Variants in GALNTL6 observed in about 807,000 individuals in gnomAD.
GALNTL6 encodes polypeptide N-acetylgalactosaminyltransferase like 6, also known as polypeptide N-acetylgalactosaminyltransferase-like 6.
Under a neutral mutation model 73.7 loss-of-function variants are expected in GALNTL6, and 46 were observed. The observed-to-expected ratio is 0.62, with a 90% confidence interval of 0.49 to 0.80. GALNTL6 has a LOEUF of 0.80. GALNTL6 is among the 30% of genes least tolerant of loss of function. GALNTL6 has a pLI of 0.00. For synonymous variants in GALNTL6, 259 were observed against 263.7 expected, an observed-to-expected ratio of 0.98 and a Z score of 0.17; for missense variants, 604 against 755.0, an observed-to-expected ratio of 0.80 and a Z score of 2.34.
chr4:171,884,589 C>T (rs1578939921), intron 2 of GALNTL6, among the ~76,000 whole-genome samples: 1 of 151,604 alleles, frequency 6.6e-6, no homozygotes, highest in African/African-American at 2.4e-5. Context: ...TGAAGATATA[C>T]ATATTCATTT....
intron 3 of GALNTL6, among the ~76,000 whole-genome samples, chr4:172,278,140 A>T (rs988296701): frequency 2.0e-5 from 3 of 152,052 alleles, no homozygotes; most frequent in Non-Finnish European, 4.4e-5. Flanking sequence ...TTTATCTCTT[A>T]TGTCCTTTCT....
chr4:172,145,864 T>C (rs1175987217), intron 2 of GALNTL6, among the ~76,000 whole-genome samples: 2 of 152,146 alleles, frequency 1.3e-5, no homozygotes, highest in African/African-American at 2.4e-5. Context: ...TTATGTGACA[T>C]AGAAGTCCCC....
chr4:173,006,482 C>T (rs758534285), intron 10 of GALNTL6, among the ~76,000 whole-genome samples: 75 of 152,124 alleles, frequency 4.9e-4, no homozygotes, highest in Admixed American at 1.0e-3. Context: ...TACCTTTGAC[C>T]TTCTGGGTGT....
In GALNTL6 at chr4:172,087,335, C is replaced by G. The variant is rs571497395; in HGVS notation, c.139-142321C>G. 4.0e-4 allele frequency among the ~76,000 whole-genome samples: 61 copies of G among 151,502 alleles called. 1 individual carries two copies. In the East Asian group the frequency reaches 0.011, roughly 28 times the overall value. Reference sequence around the variant, plus strand: ...GGGTGGGCGCCTGTAGTCCCAGCTACTCGGGAGGCTGAGGCAGGAGAATGG... The same window carrying G: ...GGGTGGGCGCCTGTAGTCCCAGCTAGTCGGGAGGCTGAGGCAGGAGAATGG... On this transcript the variant is annotated intron_variant, in intron 2 of 12. Coordinates refer to ENST00000506823, the MANE Select transcript of GALNTL6 (RefSeq NM_001034845.3).
At chr4:172,206,805 G>GTTTGTTTTTTTTTTT (rs1554003003) in intron 2 of GALNTL6, among the ~76,000 whole-genome samples, 373 of 26,160 alleles carry the variant, frequency 0.014, 20 homozygotes, top group Non-Finnish European at 0.023. Context: ...TTGTTTTTCT[G>GTTTGTTTTTTTTTTT]TTTTTTTTGT....
intron 7 of GALNTL6, among the ~76,000 whole-genome samples, chr4:172,850,649 C>T (rs143708215): frequency 1.2e-3 from 180 of 152,214 alleles, no homozygotes; most frequent in African/African-American, 4.2e-3. Flanking sequence ...AGGTGAAAAG[C>T]TTAGTCCCAC....
chr4:172,498,593 G>A (rs1734151861), intron 5 of GALNTL6, among the ~76,000 whole-genome samples: 2 of 152,126 alleles, frequency 1.3e-5, no homozygotes, highest in Admixed American at 6.6e-5. Context: ...GAGTCTCAGA[G>A]TAAATACGAG....
At chr4:173,033,764 T>C (rs1488123823) in intron 12 of GALNTL6, among the ~76,000 whole-genome samples, 3 of 152,188 alleles carry the variant, frequency 2.0e-5, no homozygotes, top group Non-Finnish European at 2.9e-5. Flanking sequence ...CTCATAGCCA[T>C]ATTAGACACA....
intron 2 of GALNTL6, among the ~76,000 whole-genome samples, chr4:172,174,532 A>G (rs1734932827): frequency 1.3e-5 from 2 of 152,186 alleles, no homozygotes. Flanking sequence ...TATATCCTAT[A>G]TATTAACTAT....
At chr4:172,370,065 A>T (rs1742737312) in intron 5 of GALNTL6, among the ~76,000 whole-genome samples, 1 of 152,134 alleles carries the variant, frequency 6.6e-6, no homozygotes, top group Non-Finnish European at 1.5e-5. Flanking sequence ...GCTGTTGGGA[A>T]TTTGGCCGAT....
At chr4:173,039,484 T>G (rs1256300095) in intron 12 of GALNTL6, among the ~76,000 whole-genome samples, 1 of 152,156 alleles carries the variant, frequency 6.6e-6, no homozygotes, top group East Asian at 1.9e-4. Flanking sequence ...TCATTGTGTG[T>G]GCGTGTGAGC....
At position 172,814,021 on chromosome 4, in the gene GALNTL6, G is replaced by A. The variant is rs537030041; in HGVS notation, c.923+298G>A. 2.0e-5 allele frequency among the ~76,000 whole-genome samples: 3 copies of A among 152,276 alleles called. No homozygotes were observed. The South Asian group carries it at 6.2e-4, about 32-fold the overall frequency. On this transcript the variant is annotated intron_variant, in intron 7 of 12. Transcript: ENST00000506823. The stretch of plus-strand genomic sequence containing the variant: ...AGGAAGGCATGTTCCCTTCTTAGAT[G>A]CTTTCTTATTTTCAGTTGTTTCTGT...
At chr4:172,126,347 C>A (rs1453615389) in intron 2 of GALNTL6, among the ~76,000 whole-genome samples, 1 of 152,066 alleles carries the variant, frequency 6.6e-6, no homozygotes, top group Non-Finnish European at 1.5e-5. Flanking sequence ...CTTCAATTAG[C>A]GATTCAAGAT....
At chr4:173,013,673 A>C (rs1051743800) in intron 11 of GALNTL6, among the ~76,000 whole-genome samples, 46 of 151,960 alleles carry the variant, frequency 3.0e-4, no homozygotes, top group African/African-American at 9.7e-4. Flanking sequence ...CATAGGCAGA[A>C]CAGAAAGACC....
rs918365046 is a variant in GALNTL6, at chr4:172,882,033, A to T, written c.924-757A>T. ...ACATAGTGAGCAGTCCAAAAAAAAA[A>T]AAATAAACAAGAGCACCTTTGAACT... On this transcript the variant is annotated intron_variant, in intron 7 of 12. Transcript: ENST00000506823. Among the ~76,000 whole-genome samples, 20 of 152,130 alleles carry T rather than the reference A, an allele frequency of 1.3e-4. 1 individual carries two copies. Among genetic ancestry groups the T allele is most frequent in the Admixed American group, 3.9e-4 (6 of 15,270 alleles).
chr4:172,888,131 G>C (rs1745831069), intron 8 of GALNTL6, among the ~76,000 whole-genome samples: 1 of 152,168 alleles, frequency 6.6e-6, no homozygotes, highest in South Asian at 2.1e-4. Context: ...CTCCCATTCT[G>C]TGGGTTGTTT....
chr4:172,272,376 G>A (rs549678592), intron 3 of GALNTL6, among the ~76,000 whole-genome samples: 22 of 152,300 alleles, frequency 1.4e-4, no homozygotes, highest in African/African-American at 5.3e-4. Context: ...GAACATCATA[G>A]AGCATATTCA....
intron 7 of GALNTL6, among the ~76,000 whole-genome samples, chr4:172,833,078 T>G (rs1208107927): frequency 1.4e-5 from 2 of 145,246 alleles, no homozygotes; most frequent in Admixed American, 7.0e-5. Flanking sequence ...GTTATGTGTG[T>G]GCGCTTGGGG....
At chr4:172,335,328 C>A (rs1741277132) in intron 4 of GALNTL6, among the ~76,000 whole-genome samples, 1 of 152,146 alleles carries the variant, frequency 6.6e-6, no homozygotes, top group Admixed American at 6.5e-5. Flanking sequence ...TGATGTACTG[C>A]TGAATTTAGT....
Sources: allele counts gnomAD v4.1 joint callset (sites outside exome capture counted in the v4.1 genomes callset), GRCh38; gene constraint gnomAD v4.1.1; transcripts MANE v1.5; gene names NCBI Gene and HGNC (gene_info 2026-07-23, HGNC 2026-07-21).